Variants in VWDE observed in about 807,000 individuals in gnomAD.
VWDE encodes von Willebrand factor D and EGF domain-containing protein.
Under a neutral mutation model 178.4 loss-of-function variants are expected in VWDE, and 207 were observed. The observed-to-expected ratio is 1.16, with a 90% CI of 1.04 to 1.30. VWDE has a LOEUF of 1.30. VWDE is among the 50% of genes most tolerant of loss of function. VWDE has a pLI of 0.00. For synonymous variants in VWDE, 738 were observed against 651.4 expected (o/e 1.13, Z -2.02); for missense variants, 2,287 against 1,901.3 (o/e 1.20, Z -3.77).
chr7:12,363,165 T>G (rs1170637466), intron 13 of VWDE, among the ~76,000 whole-genome samples: 1 of 152,084 alleles, frequency 6.6e-6, no homozygotes, highest in African/African-American at 2.4e-5. Flanking sequence ...AAGGAGTTAT[T>G]AAGTCTAACT....
At chr7:12,377,548 T>A (rs545108916) in intron 7 of VWDE, 4 of 320,658 alleles carry the variant, frequency 1.2e-5, no homozygotes, top group African/African-American at 6.4e-5. Context: ...TTATTCACTA[T>A]TTTTTTTCTT....
intron 19 of VWDE, among the ~76,000 whole-genome samples, chr7:12,349,571 C>T (rs957574627): frequency 2.0e-5 from 3 of 151,128 alleles, no homozygotes; most frequent in African/African-American, 7.3e-5. Flanking sequence ...TAAAGGCAAA[C>T]CACAGAGATA....
chr7:12,402,436 T>C (rs1784946694), intron 1 of VWDE, among the ~76,000 whole-genome samples: 1 of 152,168 alleles, frequency 6.6e-6, no homozygotes, highest in Non-Finnish European at 1.5e-5. Context: ...AACTTGACAA[T>C]GTTACCAATG....
chr7:12,344,059 G>A, intron 21 of VWDE, 136 bp downstream of exon 21: 1 of 513,228 alleles, frequency 1.9e-6, no homozygotes, highest in Non-Finnish European at 3.4e-6. Context: ...ATTTTAAAAT[G>A]TAGAGTCCTA....
intron 16 of VWDE, 102 bp downstream of exon 16, chr7:12,359,476 C>CA: frequency 1.4e-6 from 1 of 700,248 alleles, no homozygotes. Context: ...AAATTAAACA[C>CA]AGAGGTCATT....
At chr7:12,334,140 ATTT>A (rs1780883517) in intron 27 of VWDE, among the ~76,000 whole-genome samples, 12 of 152,130 alleles carry the variant, frequency 7.9e-5, no homozygotes, top group Admixed American at 7.9e-4. Context: ...ATCTCAATCT[ATTT>A]ATCATCTACC....
At position 12,374,715 on chromosome 7, in the gene VWDE, G is replaced by T. The variant is rs112386560; in HGVS notation, c.1290C>A (p.Asp430Glu). 3,022 of 1,538,580 alleles carry T rather than the reference G, an allele frequency of 2.0e-3. 67 individuals carry two copies. The African/African-American group carries it at 0.038, about 19-fold the overall frequency. Residue 430 changes from aspartate (D) to glutamate (E), a missense_variant, in exon 9 of 29, where the codon GAC becomes GAA. By Grantham distance (45) the Asp-to-Glu change is conservative (BLOSUM62 2). Coordinates refer to ENST00000275358, the MANE Select transcript of VWDE (RefSeq NM_001135924.3). ...TGCCATCAAATGTAATTATATGTGGGTCAGTAAATGTATAGCAGTAAGCAG... is the reference window on the plus strand; with the variant it reads ...TGCCATCAAATGTAATTATATGTGGTTCAGTAAATGTATAGCAGTAAGCAG... ...VPTAYCYTFT[D>E]PHIITFDGRV...
chr7:12,393,651 T>A lies in VWDE; in HGVS notation c.186A>T (p.Gly62=). ...TGTCAAGGATGAGAAATCTATACCA[T>A]CCAGGGGAGAGGGAATGGTCACATA... is the stretch of plus-strand genomic sequence containing the variant. ...DLICDHSLSP[G]WYRFLILDRP... The change falls in exon 2 of 29, where the codon GGA becomes GGT. Residue 62 remains glycine (G), a synonymous_variant. Coordinates refer to ENST00000275358, the MANE Select transcript of VWDE (RefSeq NM_001135924.3). 4 of 1,551,166 alleles carry A rather than the reference T, an allele frequency of 2.6e-6. No individual in the cohort carries two copies. Among genetic ancestry groups the A allele is most frequent in the Non-Finnish European group, 3.5e-6 (4 of 1,146,670 alleles).
rs7795284 is a variant in VWDE at position 12,372,750 on chromosome 7, A to G, written c.1587+227T>C. Among the ~76,000 whole-genome samples the G allele has an allele frequency of 1.6e-3, 246 of 152,228 alleles. 1 individual carries two copies. The highest frequency in any genetic ancestry group is 5.7e-3 in the African/African-American group (238 of 41,554). On this transcript the variant is annotated intron_variant, in intron 10 of 28. Coordinates refer to ENST00000275358, the MANE Select transcript of VWDE (RefSeq NM_001135924.3). ...TTAATGAATAATCCACCAAGTTGTC[A>G]TGCTGAAATGTTAAATAAGGCAGTT...
intron 28 of VWDE, 94 bp from the exon 29 acceptor site, chr7:12,331,291 T>C (rs1437265673): frequency 8.8e-6 from 9 of 1,022,538 alleles, no homozygotes; most frequent in Admixed American, 7.7e-5. Context: ...TCTGACATGA[T>C]ACGTAAAGCT....
rs1026224414 is a variant in VWDE at position 12,403,862 on chromosome 7, T to C, written c.-146A>G. On this transcript the variant is annotated 5_prime_UTR_variant, in exon 1 of 29. Transcript: ENST00000275358. ...GGAACAGGGAAGCTCCGCGTCCTCG[T>C]TCTGGGGTGCACCCAGTCCTTTCGT... 10 of 796,442 alleles carry C rather than the reference T, an allele frequency of 1.3e-5. No individual in the cohort carries two copies. In the East Asian group the frequency reaches 2.5e-4, roughly 20 times the overall value. The allele number at this position is 796,442 out of a possible 1,614,324, so 49.3% of individuals were successfully genotyped here. A position where few individuals can be genotyped will look rare whatever the true frequency, so the allele number is the denominator to read the frequency against.
At chr7:12,341,487 C>G (rs1305023682) in intron 23 of VWDE, among the ~76,000 whole-genome samples, 1 of 152,030 alleles carries the variant, frequency 6.6e-6, no homozygotes, top group African/African-American at 2.4e-5. Flanking sequence ...CAAAAATTAG[C>G]TAGGCATGGT....
At chr7:12,356,354 T>A (rs1389427810) in intron 17 of VWDE, 24 bp from the exon 18 acceptor site, 2 of 1,532,842 alleles carry the variant, frequency 1.3e-6, no homozygotes. Context: ...AAAAAGGAAA[T>A]GTCTTATTTT....
chr7:12,370,989 A>G, intron 10 of VWDE, 125 bp from the exon 11 acceptor site: 1 of 809,676 alleles, frequency 1.2e-6, no homozygotes, highest in Non-Finnish European at 1.8e-6. Context: ...AGAATAAAAT[A>G]CTGATTTTCT....
At chr7:12,337,434 G>T (rs1210861546) in intron 24 of VWDE, among the ~76,000 whole-genome samples, 162 bp from the exon 25 acceptor site, 2 of 152,140 alleles carry the variant, frequency 1.3e-5, no homozygotes, top group Non-Finnish European at 2.9e-5. Context: ...ATCATGAAAT[G>T]CAATGCTTAT....
intron 19 of VWDE, among the ~76,000 whole-genome samples, chr7:12,350,760 A>AG (rs1484534373): frequency 6.6e-6 from 1 of 152,150 alleles, no homozygotes; most frequent in East Asian, 1.9e-4. Flanking sequence ...TCTGTAAAAT[A>AG]GAAGTAATAA....
chr7:12,355,379 G>A (rs547064389), intron 18 of VWDE, among the ~76,000 whole-genome samples: 1 of 149,074 alleles, frequency 6.7e-6, no homozygotes, highest in South Asian at 2.1e-4. Context: ...CGGCGCCACT[G>A]CACTCCAGCC....
rs1782557880 is a variant in VWDE at position 12,361,217 on chromosome 7, T to C, written c.3089A>G (p.Lys1030Arg). Residue 1030 changes from lysine to arginine, a missense_variant, in exon 15 of 29, where the codon AAA becomes AGA. Physicochemically the swap from Lys to Arg is conservative, Grantham distance 26 (BLOSUM62 2). Transcript: ENST00000275358. ...SNDGYKFSNP[K>R]ITVIYDGACQ... is the part of the protein sequence containing the mutation. ...AGCACCATCATATATGACCGTTATT[T>C]TGGGATTACTGAATTTATAACCATC... 1 of 1,548,254 alleles carries C rather than the reference T, an allele frequency of 6.5e-7. No homozygotes were observed. Among genetic ancestry groups the C allele is most frequent in the Non-Finnish European group, 8.7e-7 (1 of 1,144,316 alleles).
At chr7:12,363,543 T>C (rs994883127) in intron 13 of VWDE, among the ~76,000 whole-genome samples, 1 of 151,854 alleles carries the variant, frequency 6.6e-6, no homozygotes, top group African/African-American at 2.4e-5. Flanking sequence ...AAACTACTAA[T>C]ACAAAAGTAG....
Sources: gnomAD v4.1 joint callset for allele counts (sites outside exome capture counted in the v4.1 genomes callset) on GRCh38, gnomAD v4.1.1 for gene constraint, MANE v1.5 for transcripts, NCBI Gene and HGNC (gene_info 2026-07-23, HGNC 2026-07-21) for gene names.